PLCG2: variants seen among roughly 807,000 people sequenced by gnomAD.
PLCG2 encodes the protein phospholipase C gamma 2.
PLCG2 carries 69 observed loss-of-function variants against 175.6 expected under a neutral mutation model. That is an observed-to-expected ratio of 0.39 (90% CI 0.32 to 0.48). PLCG2 has a LOEUF of 0.48. Ranked by LOEUF, PLCG2 falls within the 20% of genes least tolerant of loss-of-function variation. The pLI, the probability that PLCG2 is intolerant of heterozygous loss-of-function variation, is 0.91. For synonymous variants in PLCG2, 827 were observed against 624.0 expected (o/e 1.33, Z -4.85); for missense variants, 1,798 against 1,650.9 (o/e 1.09, Z -1.54).
chr16:81,791,900 G>A (rs998541245), intron 2 of PLCG2, among the ~76,000 whole-genome samples: 23 of 152,134 alleles, frequency 1.5e-4, no homozygotes, highest in Non-Finnish European at 1.6e-4. Context: ...CTACCATGTG[G>A]TGGTCTCAGG....
At chr16:81,757,073 G>A (rs1008237590) in intron 2 of PLCG2, among the ~76,000 whole-genome samples, 3 of 152,168 alleles carry the variant, frequency 2.0e-5, no homozygotes, top group Admixed American at 6.6e-5. Context: ...GGAATGAAGA[G>A]TTTTGAAAAG....
intron 31 of PLCG2, 124 bp from the exon 32 acceptor site, chr16:81,956,571 C>T (rs1264775497): frequency 5.8e-6 from 4 of 688,794 alleles, no homozygotes; most frequent in Non-Finnish European, 9.7e-6. Flanking sequence ...CTCTTCTGGG[C>T]TAATCCAAGT....
intron 25 of PLCG2, 67 bp from the exon 26 acceptor site, chr16:81,934,362 A>C: frequency 2.1e-6 from 2 of 963,324 alleles, no homozygotes; most frequent in Non-Finnish European, 3.3e-6. Flanking sequence ...AGGAGGAAAA[A>C]TGCAGGGCGA....
Position 81,780,303 on chromosome 16 carries a change from A to G in PLCG2, c.-48+879A>G, listed in dbSNP as rs116292999. On this transcript the variant is annotated intron_variant, in intron 1 of 32. Transcript: ENST00000564138. ...CCCCTCTGGATACTGGAGCCACCCAATTTTCCAGGGCTGTGTCGAGAATTG... is the reference window on the plus strand; with the variant it reads ...CCCCTCTGGATACTGGAGCCACCCAGTTTTCCAGGGCTGTGTCGAGAATTG... 9.6e-3 allele frequency among the ~76,000 whole-genome samples: 1,465 copies of G among 152,114 alleles called. 29 individuals carry two copies. The highest frequency in any genetic ancestry group is 0.034 in the African/African-American group (1,407 of 41,496).
intron 2 of PLCG2, among the ~76,000 whole-genome samples, chr16:81,840,176 G>C (rs928223334): frequency 1.3e-5 from 2 of 152,318 alleles, no homozygotes; most frequent in Admixed American, 1.3e-4. Flanking sequence ...TGAAACATCG[G>C]CAATCAACGA....
chr16:81,743,419 C>T (rs1191958756), intron 1 of PLCG2, among the ~76,000 whole-genome samples: 1 of 152,196 alleles, frequency 6.6e-6, no homozygotes, highest in Admixed American at 6.5e-5. Flanking sequence ...CACAGACTTG[C>T]TGGAACACTG....
rs769393894 is a variant in PLCG2 at position 81,940,008 on chromosome 16, G to T, written c.3430G>T (p.Asp1144Tyr). The change falls in exon 30 of 33, where the codon GAT (aspartate) becomes TAT (tyrosine). Residue 1144 changes from aspartate (D) to tyrosine (Y), a missense_variant. Transcript: ENST00000564138. Reference sequence around the variant, plus strand: ...GGTTTATGAAGAAGATATGTTCAGCGATCCCAACTTTCTTGCTCATGCCAC... The same window carrying T: ...GGTTTATGAAGAAGATATGTTCAGCTATCCCAACTTTCTTGCTCATGCCAC... ...FVVYEEDMFSDPNFLAHATYP... is the reference protein window; with the variant it reads ...FVVYEEDMFSYPNFLAHATYP... The T allele has an allele frequency of 6.2e-7, 1 of 1,614,102 alleles. No individual in the cohort carries two copies.
intron 32 of PLCG2, among the ~76,000 whole-genome samples, chr16:81,957,465 AC>A (rs2092659971): frequency 2.0e-5 from 3 of 152,166 alleles, no homozygotes; most frequent in African/African-American, 7.2e-5. Context: ...ATAAATGATG[AC>A]CACTGACTTT....
rs1328518972 is a variant in PLCG2, at chr16:81,961,487, T to C, written c.*3489T>C. 4.5e-6 allele frequency: 1 copy of C among 223,800 alleles called. No individual in the cohort carries two copies. Among genetic ancestry groups the C allele is most frequent in the African/African-American group, 2.2e-5 (1 of 44,890 alleles). The allele number at this position is 223,800 out of a possible 1,614,324, so 13.9% of individuals were successfully genotyped here. A position where few individuals can be genotyped will look rare whatever the true frequency, so the allele number is the denominator to read the frequency against. Reference sequence around the variant, plus strand: ...ATTTTAAAGGCTTACAGCCTTAGGATTATAGGATACTATATAATACTTTTG... The same window carrying C: ...ATTTTAAAGGCTTACAGCCTTAGGACTATAGGATACTATATAATACTTTTG... On this transcript the variant is annotated 3_prime_UTR_variant, in exon 33 of 33. Transcript: ENST00000564138.
upstream of PLCG2, among the ~76,000 whole-genome samples, chr16:81,778,003 C>A (rs75452105): frequency 0.49 from 35,446 of 71,636 alleles, 5,549 homozygotes; most frequent in East Asian, 0.64. Context: ...GGCAAGAGAG[C>A]AAGACTTTGT....
intron 3 of PLCG2, among the ~76,000 whole-genome samples, 170 bp downstream of exon 3, chr16:81,854,757 C>A (rs1033598112): frequency 3.9e-5 from 6 of 152,136 alleles, no homozygotes; most frequent in African/African-American, 1.2e-4. Context: ...AGGTGAGTGA[C>A]TTAACCTCTC....
chr16:81,758,803 G>A (rs1175518642), intron 2 of PLCG2, among the ~76,000 whole-genome samples: 4 of 151,646 alleles, frequency 2.6e-5, no homozygotes, highest in Admixed American at 6.6e-5. Flanking sequence ...TCAGCCTCCC[G>A]AGTAGCTGGG....
At chr16:81,949,310 A>C (rs1003461368) in intron 31 of PLCG2, among the ~76,000 whole-genome samples, 9 of 152,234 alleles carry the variant, frequency 5.9e-5, no homozygotes, top group African/African-American at 1.7e-4. Flanking sequence ...AATAGAAAAC[A>C]CATCCATACC....
At chr16:81,879,578 C>T (rs192126454) in intron 7 of PLCG2, among the ~76,000 whole-genome samples, 50 of 152,258 alleles carry the variant, frequency 3.3e-4, no homozygotes, top group African/African-American at 1.2e-3. Flanking sequence ...ACGTCCTGGG[C>T]TGCAAGGAGT....
At chr16:81,881,968 A>G (rs1228576943) in intron 8 of PLCG2, among the ~76,000 whole-genome samples, 2 of 152,170 alleles carry the variant, frequency 1.3e-5, no homozygotes, top group African/African-American at 2.4e-5. Flanking sequence ...TCTATGTAGT[A>G]TTTTAATGAA....
intron 29 of PLCG2, among the ~76,000 whole-genome samples, chr16:81,939,441 C>G (rs929520650): frequency 6.6e-6 from 1 of 152,200 alleles, no homozygotes; most frequent in African/African-American, 2.4e-5. Context: ...AACTCAGATG[C>G]TGACCAAATA....
chr16:81,818,083 G>C (rs907848598), intron 2 of PLCG2, among the ~76,000 whole-genome samples: 1 of 152,176 alleles, frequency 6.6e-6, no homozygotes, highest in African/African-American at 2.4e-5. Flanking sequence ...CGTGTCCCCT[G>C]ATCTGTGAAG....
Position 81,910,512 on chromosome 16 carries a change from C to G in PLCG2, c.1734-8C>G. The G allele has an allele frequency of 1.2e-6, 2 of 1,613,392 alleles. No individual in the cohort carries two copies. Among genetic ancestry groups the G allele is most frequent in the Non-Finnish European group, 1.7e-6 (2 of 1,179,770 alleles). ...TCTCCCAGCACTGATGGCGTCCTCT[C>G]CCCGCAGGCGGTCAGGCCGGGTCCA... On this transcript the variant is annotated splice_polypyrimidine_tract_variant and splice_region_variant and intron_variant, in intron 17 of 32. Coordinates refer to ENST00000564138, the MANE Select transcript of PLCG2 (RefSeq NM_002661.5).
rs371845782 is a variant in PLCG2 at position 81,893,005 on chromosome 16, CTGTTT to C, written c.987-682_987-678del. The stretch of plus-strand genomic sequence containing the variant: ...GACTCCGGGCACGAGCCACCATGCC[CTGTTT>C]TGTTTTGTTTTGTTTTGTTTTTGTA... On this transcript the variant is annotated intron_variant, in intron 11 of 32. Transcript: ENST00000564138. 5.8e-3 allele frequency among the ~76,000 whole-genome samples: 875 copies of C among 151,532 alleles called. 7 individuals are homozygous for C. The highest frequency in any genetic ancestry group is 7.3e-3 in the Non-Finnish European group (495 of 67,732).
Sources: allele counts gnomAD v4.1 joint callset (sites outside exome capture counted in the v4.1 genomes callset), GRCh38; gene constraint gnomAD v4.1.1; transcripts MANE v1.5; gene names NCBI Gene and HGNC (gene_info 2026-07-23, HGNC 2026-07-21).